The following HEATR5B variants were observed in gnomAD, a reference collection of about 807,000 sequenced individuals.
HEATR5B encodes the protein HEAT repeat-containing protein 5B.
HEATR5B carries 156 observed loss-of-function variants against 224.1 expected under a neutral mutation model. The ratio of observed to expected loss-of-function variants is 0.70; its 90% CI spans 0.61 to 0.80. The LOEUF (loss-of-function observed/expected upper bound fraction) is 0.80, where lower values mean the gene tolerates loss of function less well. Ranked by LOEUF, HEATR5B falls within the 30% of genes least tolerant of loss-of-function variation. The probability of loss-of-function intolerance (pLI) is 0.00; values close to 1 mark genes in which losing one functional copy is unlikely to be tolerated. For missense variants in HEATR5B, 2,323 were observed against 2,535.5 expected (o/e 0.92, Z 1.80); for synonymous variants, 1,027 against 893.0 (o/e 1.15, Z -2.68).
In HEATR5B at chr2:37,025,122, C is replaced by A. The variant is rs114449503; in HGVS notation, c.3853+2801G>T. Among the ~76,000 whole-genome samples, 1,041 of 152,244 alleles carry A rather than the reference C, an allele frequency of 6.8e-3. 14 individuals carry two copies. Among genetic ancestry groups the A allele is most frequent in the African/African-American group, 0.022 (903 of 41,536 alleles). On this transcript the variant is annotated intron_variant, in intron 24 of 35. Transcript: ENST00000233099. ...TATTGGGTCTATACTTTTTCATATACTCTGCCATGACTGTTCAGAATCAGA... is the reference window on the plus strand; with the variant it reads ...TATTGGGTCTATACTTTTTCATATAATCTGCCATGACTGTTCAGAATCAGA...
chr2:36,983,449 G>C (rs925268591), intron 35 of HEATR5B, among the ~76,000 whole-genome samples: 1 of 152,168 alleles, frequency 6.6e-6, no homozygotes, highest in Non-Finnish European at 1.5e-5. Context: ...TGAGGCAGGA[G>C]AATCGCTTGA....
chr2:37,006,285 C>T (rs1399950081), intron 29 of HEATR5B, among the ~76,000 whole-genome samples: 1 of 152,120 alleles, frequency 6.6e-6, no homozygotes. Context: ...TATTGTGTTC[C>T]TTTTCACTCC....
intron 6 of HEATR5B, among the ~76,000 whole-genome samples, chr2:37,071,785 T>G (rs1261201687): frequency 6.6e-6 from 1 of 151,882 alleles, no homozygotes; most frequent in Non-Finnish European, 1.5e-5. Flanking sequence ...CCCGGGTTCA[T>G]GCGATTCTCC....
chr2:37,019,624 T>C (rs1668343364), intron 26 of HEATR5B, among the ~76,000 whole-genome samples, 185 bp downstream of exon 26: 1 of 151,992 alleles, frequency 6.6e-6, no homozygotes. Flanking sequence ...GCCCAACTAA[T>C]TTTTGTATTT....
At chr2:37,016,174 G>A (rs986649403) in intron 26 of HEATR5B, among the ~76,000 whole-genome samples, 10 of 149,206 alleles carry the variant, frequency 6.7e-5, no homozygotes, top group Non-Finnish European at 1.0e-4. Flanking sequence ...GCGCAGTGGC[G>A]TGATTTTGGC....
chr2:36,996,192 C>A (rs1178000776), intron 33 of HEATR5B, among the ~76,000 whole-genome samples: 2 of 151,706 alleles, frequency 1.3e-5, no homozygotes, highest in African/African-American at 4.8e-5. Flanking sequence ...TCCTGAGTAG[C>A]TGGGATTATA....
At position 37,060,722 on chromosome 2, in the gene HEATR5B, C is replaced by T. The variant is rs778523774; in HGVS notation, c.1708G>A (p.Val570Ile). 4.3e-6 allele frequency: 7 copies of T among 1,612,918 alleles called. No homozygotes were observed. Among genetic ancestry groups the T allele is most frequent in the East Asian group, 2.2e-5 (1 of 44,822 alleles). ...GALMTLGPSV[V>I]RYHLPKMLLL... Reference sequence around the variant, plus strand: ...AACATCTTGGGCAGATGGTAACGAACGACAGATGGTCCTAGCCAAGAAAAT... The same window carrying T: ...AACATCTTGGGCAGATGGTAACGAATGACAGATGGTCCTAGCCAAGAAAAT... Residue 570 changes from valine (V) to isoleucine (I), a missense_variant, in exon 12 of 36, where the codon GTT (valine) becomes ATT (isoleucine). Val to Ile is a conservative substitution (Grantham distance 29). Transcript: ENST00000233099.
intron 28 of HEATR5B, 65 bp downstream of exon 28, chr2:37,008,546 G>T: frequency 9.2e-7 from 1 of 1,081,736 alleles, no homozygotes; most frequent in Non-Finnish European, 1.4e-6. Context: ...AGTCTATACC[G>T]TCTCTATTTT....
chr2:36,996,720 G>C (rs1666742755), intron 33 of HEATR5B, among the ~76,000 whole-genome samples: 1 of 152,036 alleles, frequency 6.6e-6, no homozygotes, highest in Non-Finnish European at 1.5e-5. Context: ...AGCCTCCTGA[G>C]TAGCTGGGAT....
intron 33 of HEATR5B, among the ~76,000 whole-genome samples, chr2:36,991,449 T>C (rs1301006275): frequency 6.7e-6 from 1 of 149,962 alleles, no homozygotes; most frequent in Non-Finnish European, 1.5e-5. Context: ...GAGCCAAGAT[T>C]GTGTCATTGC....
At chr2:37,042,064 G>T (rs1051418306) in intron 18 of HEATR5B, among the ~76,000 whole-genome samples, 1 of 151,712 alleles carries the variant, frequency 6.6e-6, no homozygotes, top group Non-Finnish European at 1.5e-5. Flanking sequence ...TATTTTAAAT[G>T]AATTCAAATA....
intron 33 of HEATR5B, 40 bp downstream of exon 33, chr2:37,000,543 CACA>C: frequency 6.8e-7 from 1 of 1,467,000 alleles, no homozygotes; most frequent in Non-Finnish European, 9.6e-7. Flanking sequence ...ACTTAGGGAA[CACA>C]TATCCTAACT....
intron 26 of HEATR5B, among the ~76,000 whole-genome samples, chr2:37,016,303 G>T (rs532081218): frequency 4.5e-4 from 68 of 152,092 alleles, no homozygotes; most frequent in Non-Finnish European, 8.4e-4. Flanking sequence ...AGTAGAGACG[G>T]GGTTTCACCA....
chr2:37,053,698 T>C, intron 16 of HEATR5B, 91 bp from the exon 17 acceptor site: 1 of 630,500 alleles, frequency 1.6e-6, no homozygotes, highest in Non-Finnish European at 2.7e-6. Context: ...GTTAATTGTT[T>C]AGCAAATAAT....
At chr2:37,001,360 C>T (rs1046667685) in intron 32 of HEATR5B, among the ~76,000 whole-genome samples, 1 of 152,138 alleles carries the variant, frequency 6.6e-6, no homozygotes, top group Middle Eastern at 3.2e-3. Context: ...AAAATACCTT[C>T]ACCACTCTGA....
Position 37,036,482 on chromosome 2 carries a change from A to G in HEATR5B, c.3216+1373T>C, listed in dbSNP as rs572272932. Among the ~76,000 whole-genome samples the G allele has an allele frequency of 2.7e-5, 4 of 150,756 alleles. No homozygotes were observed. In the East Asian group the frequency reaches 5.9e-4, roughly 22 times the overall value. ...TCATGCCCTTTGTAAACTAATTCCT[A>G]TGTACTCTGCAAATCACACCTTAAA... On this transcript the variant is annotated intron_variant, in intron 21 of 35. Coordinates refer to ENST00000233099, the MANE Select transcript of HEATR5B (RefSeq NM_019024.3).
intron 35 of HEATR5B, among the ~76,000 whole-genome samples, chr2:36,983,202 G>T (rs1665698229): frequency 6.6e-6 from 1 of 152,094 alleles, no homozygotes; most frequent in South Asian, 2.1e-4. Context: ...CAATCTTCTA[G>T]ATTTAGTTCA....
intron 8 of HEATR5B, among the ~76,000 whole-genome samples, chr2:37,068,372 A>C (rs564195491): frequency 3.3e-5 from 5 of 152,352 alleles, no homozygotes; most frequent in African/African-American, 1.2e-4. Flanking sequence ...AAAAGCAGAA[A>C]GAGGACAATA....
intron 20 of HEATR5B, 23 bp downstream of exon 20, chr2:37,040,306 T>C: frequency 6.3e-7 from 1 of 1,581,048 alleles, no homozygotes; most frequent in East Asian, 2.2e-5. Context: ...ACTAGGTTCC[T>C]TAATTTCAGA....
Sources: allele counts gnomAD v4.1 joint callset (sites outside exome capture counted in the v4.1 genomes callset), GRCh38; gene constraint gnomAD v4.1.1; transcripts MANE v1.5; gene names NCBI Gene and HGNC (gene_info 2026-07-23, HGNC 2026-07-21).